Variants in ATG4A observed in about 807,000 individuals in gnomAD.
The protein encoded by ATG4A is autophagy related 4A cysteine peptidase, also known as cysteine protease ATG4A.
Under a neutral mutation model 38.4 loss-of-function variants are expected in ATG4A, and 22 were observed. The observed-to-expected ratio is 0.57, with a 90% confidence interval of 0.41 to 0.82. ATG4A has a LOEUF of 0.82. Ranked by LOEUF, ATG4A falls within the 40% of genes least tolerant of loss-of-function variation. ATG4A has a pLI of 0.00. For missense variants in ATG4A, 220 were observed against 290.0 expected, an observed-to-expected ratio of 0.76 and a Z score of 1.75; for synonymous variants, 86 against 100.7, an observed-to-expected ratio of 0.85 and a Z score of 0.88.
intron 1 of ATG4A, among the ~76,000 whole-genome samples, chrX:108,117,802 TG>T (rs745603680): frequency 8.9e-6 from 1 of 112,460 alleles, no homozygotes. Flanking sequence ...CCTATAGTTT[TG>T]CTAAGTAGTG....
At chrX:108,153,516 C>G in intron 12 of ATG4A, 126 bp from the exon 13 acceptor site, 1 of 516,078 alleles carries the variant, frequency 1.9e-6, no homozygotes, top group Non-Finnish European at 3.3e-6. Flanking sequence ...TAAGTCTCCT[C>G]CACACAAGTC....
chrX:108,125,582 C>CT (rs747026705), intron 1 of ATG4A, among the ~76,000 whole-genome samples: 37 of 112,138 alleles, frequency 3.3e-4, no homozygotes, highest in Non-Finnish European at 5.3e-4. Flanking sequence ...AACATCTGGC[C>CT]TTTCAGCTAA....
At chrX:108,096,402 G>A (rs2031818505) in intron 1 of ATG4A, among the ~76,000 whole-genome samples, 1 of 111,970 alleles carries the variant, frequency 8.9e-6, no homozygotes, top group South Asian at 3.7e-4. Context: ...GCTGAATTTA[G>A]CCTGCCAGTC....
intron 1 of ATG4A, among the ~76,000 whole-genome samples, chrX:108,099,790 A>T (rs759070924): frequency 9.0e-6 from 1 of 111,691 alleles, no homozygotes; most frequent in African/African-American, 3.2e-5. Context: ...GTACTTGTGT[A>T]TATCTATTTC....
Position 108,131,334 on chromosome X carries a change from C to A in ATG4A, c.268C>A (p.Leu90Ile), listed in dbSNP as rs753988007. 2.0e-5 allele frequency: 24 copies of A among 1,209,921 alleles called. No individual in the cohort carries two copies. The highest frequency in any genetic ancestry group is 2.7e-5 in the Non-Finnish European group (24 of 895,081). Residue 90 changes from leucine (L) to isoleucine (I), a missense_variant, in exon 4 of 13, where the codon CTT becomes ATT. Transcript: ENST00000372232. ...RCGQMMLAQA[L>I]ICRHLGRDWS... ...TGGACAGATGATGCTGGCTCAAGCC[C>A]TTATCTGTAGACACTTGGGAAGGGG...
At chrX:108,125,391 C>CTA (rs2032771759) in intron 1 of ATG4A, among the ~76,000 whole-genome samples, 1 of 111,358 alleles carries the variant, frequency 9.0e-6, no homozygotes, top group South Asian at 3.8e-4. Context: ...TGTCACTCAC[C>CTA]ATAACAAAGG....
At chrX:108,145,321 C>G (rs773840135) in intron 9 of ATG4A, among the ~76,000 whole-genome samples, 2 of 112,625 alleles carry the variant, frequency 1.8e-5, no homozygotes, top group African/African-American at 6.4e-5. Context: ...TCATATGCCC[C>G]TGAGGTAGGA....
At position 108,138,110 on chromosome X, in the gene ATG4A, C is replaced by T. The variant is rs762535504; in HGVS notation, c.736-3C>T. The T allele has an allele frequency of 3.9e-5, 47 of 1,209,152 alleles. No homozygotes were observed. Among genetic ancestry groups the T allele is most frequent in the Non-Finnish European group, 4.9e-5 (44 of 893,004 alleles). On this transcript the variant is annotated splice_region_variant and splice_polypyrimidine_tract_variant and intron_variant, in intron 8 of 12. Transcript: ENST00000372232. ...GAGAATCTTGCATTGTCTTTCTCTC[C>T]AGGAGTGTTTTAAGATGCCACAGTC...
intron 1 of ATG4A, among the ~76,000 whole-genome samples, chrX:108,118,481 A>T (rs1322636547): frequency 9.0e-6 from 1 of 111,579 alleles, no homozygotes; most frequent in Non-Finnish European, 1.9e-5. Context: ...CTCAACTCTA[A>T]AATGGAGGTA....
chrX:108,129,854 G>A (rs977439986), intron 3 of ATG4A, among the ~76,000 whole-genome samples: 1 of 106,819 alleles, frequency 9.4e-6, no homozygotes, highest in African/African-American at 3.4e-5. Context: ...ATAGGCGTGA[G>A]CCACCGCTCC....
intron 1 of ATG4A, among the ~76,000 whole-genome samples, chrX:108,110,073 T>C (rs957272474): frequency 1.8e-5 from 2 of 109,369 alleles, no homozygotes; most frequent in Non-Finnish European, 3.8e-5. Context: ...TTTTTATAAA[T>C]ATGTGTAGTG....
chrX:108,135,854 C>T lies in ATG4A; in HGVS notation c.468-1237C>T, dbSNP rs1013184652. Among the ~76,000 whole-genome samples the T allele has an allele frequency of 3.6e-4, 39 of 108,607 alleles. 1 individual carries two copies. Among genetic ancestry groups the T allele is most frequent in the Admixed American group, 1.9e-3 (19 of 10,204 alleles). The allele number at this position is 108,607 out of a possible 115,157, so 94.3% of individuals were successfully genotyped here. A position where few individuals can be genotyped will look rare whatever the true frequency, so the allele number is the denominator to read the frequency against. ...GGCTGGAGTGCAGTGGCACAATCTC[C>T]GCTCACTGCAACCTCCACCTCCCAG... is the stretch of plus-strand genomic sequence containing the variant. On this transcript the variant is annotated intron_variant, in intron 6 of 12. Transcript: ENST00000372232.
At chrX:108,099,878 A>G (rs763424054) in intron 1 of ATG4A, among the ~76,000 whole-genome samples, 24 of 111,951 alleles carry the variant, frequency 2.1e-4, no homozygotes, top group Non-Finnish European at 4.5e-4. Flanking sequence ...CTGTAGCTCT[A>G]TAATAAATCT....
intron 2 of ATG4A, chrX:108,126,686 C>A: frequency 1.2e-6 from 1 of 862,503 alleles, no homozygotes; most frequent in Non-Finnish European, 1.5e-6. Flanking sequence ...CTTTTGCTGA[C>A]CGTAGCACTG....
chrX:108,100,261 T>C lies in ATG4A; in HGVS notation c.10+8425T>C, dbSNP rs184335158. Reference sequence around the variant, plus strand: ...ATTTTGGTTTCCATGTATTCATTGCTAGTATATAGAAATATAAATGATTTT... The same window carrying C: ...ATTTTGGTTTCCATGTATTCATTGCCAGTATATAGAAATATAAATGATTTT... On this transcript the variant is annotated intron_variant, in intron 1 of 12. Coordinates refer to ENST00000372232, the MANE Select transcript of ATG4A (RefSeq NM_052936.5). Among the ~76,000 whole-genome samples the C allele has an allele frequency of 9.8e-5, 11 of 112,414 alleles. 1 individual carries two copies. Among genetic ancestry groups the C allele is most frequent in the Admixed American group, 9.4e-4 (10 of 10,602 alleles).
chrX:108,131,169 T>C (rs995097507), intron 3 of ATG4A, 91 bp from the exon 4 acceptor site: 2 of 776,357 alleles, frequency 2.6e-6, no homozygotes. Context: ...TATATATATT[T>C]ACCTGTCTTG....
intron 1 of ATG4A, among the ~76,000 whole-genome samples, chrX:108,110,338 C>G (rs957426747): frequency 3.7e-5 from 4 of 107,954 alleles, no homozygotes; most frequent in Non-Finnish European, 7.7e-5. Context: ...CCACCGTACT[C>G]CAGCCTGGGT....
chrX:108,146,478 T>C (rs2179370), intron 9 of ATG4A, among the ~76,000 whole-genome samples: 5,742 of 111,558 alleles, frequency 0.051, 399 homozygotes, highest in African/African-American at 0.18. Flanking sequence ...CCTTTGATGG[T>C]TGAGTGCTGC....
upstream of ATG4A, among the ~76,000 whole-genome samples, chrX:108,089,682 A>G (rs1286828247): frequency 9.1e-6 from 1 of 109,991 alleles, no homozygotes. Flanking sequence ...AAAATACAAA[A>G]GTTAGCCAGG....
Sources: gnomAD v4.1 joint callset for allele counts (sites outside exome capture counted in the v4.1 genomes callset) on GRCh38, gnomAD v4.1.1 for gene constraint, MANE v1.5 for transcripts, NCBI Gene and HGNC (gene_info 2026-07-23, HGNC 2026-07-21) for gene names.